The following SLC38A12 variants were observed in gnomAD, a reference collection of about 807,000 sequenced individuals.
SLC38A12 encodes solute carrier family 38 member 12, also known as putative sodium-coupled neutral amino acid transporter 12.
chr17:74,795,510 A>G, the SLC38A12 span: 1 of 1,612,676 alleles, frequency 6.2e-7, no homozygotes, highest in South Asian at 1.1e-5. Context: ...GCCTGCTGTC[A>G]TTCTCTTTAT....
chr17:74,791,928 C>CG, the SLC38A12 span, among the ~76,000 whole-genome samples: 1 of 151,332 alleles, frequency 6.6e-6, no homozygotes, highest in Non-Finnish European at 1.5e-5. Context: ...AGGCGGCTCA[C>CG]GAGGTGAGGA....
the SLC38A12 span, chr17:74,835,876 G>C: frequency 6.5e-7 from 1 of 1,542,912 alleles, no homozygotes; most frequent in Non-Finnish European, 8.7e-7. Context: ...AGAAACTCAA[G>C]GTAGGGCCGT....
At chr17:74,799,664 G>A in the SLC38A12 span, among the ~76,000 whole-genome samples, 116 of 152,312 alleles carry the variant, frequency 7.6e-4, 1 homozygote, top group African/African-American at 2.5e-3. Context: ...GGTTGACACC[G>A]GAAGGGTCAA....
At chr17:74,792,217 G>A in the SLC38A12 span, among the ~76,000 whole-genome samples, 1 of 152,078 alleles carries the variant, frequency 6.6e-6, no homozygotes, top group Non-Finnish European at 1.5e-5. Context: ...TTGGGAGGCC[G>A]AGGCAGGCGG....
chr17:74,838,323 C>T, the SLC38A12 span: 7 of 986,646 alleles, frequency 7.1e-6, no homozygotes, highest in Admixed American at 6.1e-5. Flanking sequence ...TTGGGTAGAG[C>T]AGGGGCCTGC....
the SLC38A12 span, among the ~76,000 whole-genome samples, chr17:74,810,532 C>T: frequency 6.6e-6 from 1 of 152,210 alleles, no homozygotes; most frequent in African/African-American, 2.4e-5. Context: ...CCTCATCTCT[C>T]ACTCTGCACC....
At chr17:74,831,162 G>A in the SLC38A12 span, among the ~76,000 whole-genome samples, 1 of 152,306 alleles carries the variant, frequency 6.6e-6, no homozygotes, top group Non-Finnish European at 1.5e-5. Flanking sequence ...AGGCTTGGCC[G>A]CCTCCCGCGA....
At chr17:74,824,410 A>G in the SLC38A12 span, among the ~76,000 whole-genome samples, 2 of 152,046 alleles carry the variant, frequency 1.3e-5, no homozygotes, top group Admixed American at 6.5e-5. Context: ...GGGACTTCAG[A>G]TCCCAAATCT....
the SLC38A12 span, among the ~76,000 whole-genome samples, chr17:74,822,676 C>A: frequency 2.0e-5 from 3 of 152,344 alleles, no homozygotes; most frequent in Admixed American, 2.0e-4. Context: ...AAAAAGCAAA[C>A]CTTTCTGTGG....
chr17:74,792,665 G>C, the SLC38A12 span, among the ~76,000 whole-genome samples: 64,676 of 152,040 alleles, frequency 0.43, 15,513 homozygotes, highest in Non-Finnish European at 0.55. Context: ...ACTTAGAGCC[G>C]GGGGGACTGT....
At chr17:74,788,644 G>A in the SLC38A12 span, 3 of 620,802 alleles carry the variant, frequency 4.8e-6, no homozygotes, top group African/African-American at 3.7e-5. Flanking sequence ...TTTTTACCAA[G>A]TAAAGCCCAT....
the SLC38A12 span, among the ~76,000 whole-genome samples, chr17:74,807,320 C>T: frequency 6.6e-6 from 1 of 152,246 alleles, no homozygotes; most frequent in South Asian, 2.1e-4. Flanking sequence ...CTTCAGGGCA[C>T]GGGCTGCGTC....
At chr17:74,789,109 C>T in the SLC38A12 span, among the ~76,000 whole-genome samples, 3 of 152,210 alleles carry the variant, frequency 2.0e-5, no homozygotes, top group Non-Finnish European at 4.4e-5. Context: ...GCACCCAGCT[C>T]AGCTGTTTGA....
chr17:74,824,377 T>C, the SLC38A12 span, among the ~76,000 whole-genome samples: 1 of 152,184 alleles, frequency 6.6e-6, no homozygotes, highest in Non-Finnish European at 1.5e-5. Flanking sequence ...GAGGATGTTC[T>C]TTGTGCTCAC....
the SLC38A12 span, among the ~76,000 whole-genome samples, chr17:74,805,248 T>C: frequency 0.3 from 45,047 of 152,138 alleles, 7,028 homozygotes; most frequent in East Asian, 0.42. This position sits in a 1 kb window ranked among gnomAD's most constrained non-coding sequence, Gnocchi z 5.0. Context: ...GTGCCTGCCT[T>C]TTGCAGGGAA....
the SLC38A12 span, among the ~76,000 whole-genome samples, chr17:74,833,072 G>T: frequency 2.0e-5 from 3 of 152,206 alleles, no homozygotes; most frequent in Non-Finnish European, 4.4e-5. Flanking sequence ...TGCCCAGGCT[G>T]AAGTGCAGTG....
At chr17:74,836,013 G>C in the SLC38A12 span, 1 of 1,611,990 alleles carries the variant, frequency 6.2e-7, no homozygotes, top group South Asian at 1.1e-5. The surrounding 1 kb of genome is among the most constrained non-coding windows in gnomAD (Gnocchi z 4.2). Flanking sequence ...CTTCTCGGGG[G>C]TCCGGAACCT....
chr17:74,812,702 T>TGCTCC, the SLC38A12 span, among the ~76,000 whole-genome samples: 7 of 152,084 alleles, frequency 4.6e-5, no homozygotes, highest in African/African-American at 7.2e-5. Flanking sequence ...CAAGCCCGAG[T>TGCTCC]GCTCCGTGGT....
chr17:74,811,032 A>G, the SLC38A12 span, among the ~76,000 whole-genome samples: 1 of 152,262 alleles, frequency 6.6e-6, no homozygotes, highest in African/African-American at 2.4e-5. Flanking sequence ...TGGAAGTCAA[A>G]TAAGAATAGT....
Sources: gnomAD v4.1 joint callset for allele counts (sites outside exome capture counted in the v4.1 genomes callset) on GRCh38, gnomAD v4.1.1 for gene constraint, Gnocchi (gnomAD v3.1) non-coding constraint, MANE v1.5 for transcripts, NCBI Gene and HGNC (gene_info 2026-07-23, HGNC 2026-07-21) for gene names.